The following RASGRP3 variants were observed in gnomAD, a reference collection of about 807,000 sequenced individuals.
The protein encoded by RASGRP3 is ras guanyl-releasing protein 3.
RASGRP3 carries 54 observed loss-of-function variants against 82.7 expected under a neutral mutation model. That is an observed-to-expected ratio of 0.65 (90% confidence interval 0.52 to 0.82). The LOEUF (loss-of-function observed/expected upper bound fraction) is 0.82, where lower values mean the gene tolerates loss of function less well. Ranked by LOEUF, RASGRP3 falls within the 40% of genes least tolerant of loss-of-function variation. The pLI is 0.00. For synonymous variants in RASGRP3, 309 were observed against 300.5 expected, an observed-to-expected ratio of 1.03 and a Z score of -0.29; for missense variants, 861 against 828.9, an observed-to-expected ratio of 1.04 and a Z score of -0.48.
At chr2:33,469,545 C>A (rs1002177313) in intron 2 of RASGRP3, among the ~76,000 whole-genome samples, 2 of 151,754 alleles carry the variant, frequency 1.3e-5, no homozygotes, top group African/African-American at 4.8e-5. Flanking sequence ...CTGCAACCTC[C>A]ACCTCCTGGG....
At chr2:33,493,060 A>C (rs1668994800) in intron 1 of RASGRP3, 1 of 152,162 alleles carries the variant, frequency 6.6e-6, no homozygotes, top group South Asian at 2.1e-4. Context: ...TTAGGTGTTC[A>C]TTTCACTGGG....
chr2:33,547,381 G>A (rs917005171), intron 13 of RASGRP3, among the ~76,000 whole-genome samples: 12 of 61,236 alleles, frequency 2.0e-4, no homozygotes, highest in Admixed American at 6.0e-4. Context: ...TGCCTCCTAC[G>A]CAAAATAACT....
intron 6 of RASGRP3, among the ~76,000 whole-genome samples, chr2:33,521,223 C>T (rs1672001887): frequency 6.6e-6 from 1 of 152,132 alleles, no homozygotes; most frequent in Non-Finnish European, 1.5e-5. Flanking sequence ...TGGTGGTTGA[C>T]CATAGATGTG....
intron 17 of RASGRP3, among the ~76,000 whole-genome samples, chr2:33,560,155 A>G (rs544465241): frequency 3.7e-4 from 57 of 152,212 alleles, no homozygotes; most frequent in Non-Finnish European, 8.2e-4. Flanking sequence ...AAGTTGTGCA[A>G]CCATCACTAC....
At position 33,524,057 on chromosome 2, in the gene RASGRP3, G is replaced by T; in HGVS notation, c.690+5G>T. 1 of 1,613,312 alleles carries T rather than the reference G, an allele frequency of 6.2e-7. No individual in the cohort carries two copies. Among genetic ancestry groups the T allele is most frequent in the Non-Finnish European group, 8.5e-7 (1 of 1,179,412 alleles). Reference sequence around the variant, plus strand: ...AAGTTTATCAATGTTGCAAAGGTATGTCTGGTAATCAGACTGGGTTCTTGA... The same window carrying T: ...AAGTTTATCAATGTTGCAAAGGTATTTCTGGTAATCAGACTGGGTTCTTGA... On this transcript the variant is annotated splice_donor_5th_base_variant and intron_variant, in intron 8 of 17. Coordinates refer to ENST00000403687, the MANE Select transcript of RASGRP3 (RefSeq NM_001139488.2).
chr2:33,515,520 G>A (rs1671376291), intron 3 of RASGRP3, among the ~76,000 whole-genome samples: 1 of 152,084 alleles, frequency 6.6e-6, no homozygotes, highest in Admixed American at 6.5e-5. Flanking sequence ...GATGTTCATA[G>A]TACCATTCCT....
At chr2:33,520,134 C>A (rs375583502) in intron 5 of RASGRP3, 120 bp downstream of exon 5, 83 of 816,968 alleles carry the variant, frequency 1.0e-4, no homozygotes, top group South Asian at 5.0e-4. Flanking sequence ...ACCCCTCCCA[C>A]CAACTTTGTT....
intron 2 of RASGRP3, among the ~76,000 whole-genome samples, chr2:33,463,538 G>A (rs969681503): frequency 6.6e-5 from 10 of 151,964 alleles, no homozygotes; most frequent in Admixed American, 5.9e-4. Flanking sequence ...CAGAGGCTGG[G>A]GTGTAGAGGC....
In RASGRP3 at chr2:33,558,238, G is replaced by A; in HGVS notation, c.1607G>A (p.Cys536Tyr). Residue 536 changes from cysteine to tyrosine, a missense_variant, in exon 16 of 18, where the codon TGC (cysteine) becomes TAC (tyrosine). Physicochemically the swap from Cys to Tyr is radical, Grantham distance 194. Transcript: ENST00000403687. The stretch of plus-strand genomic sequence containing the variant: ...TGTGGAGCCAATTGTCACAAACAGT[G>A]CAAAGACCTCCTGGTTCTGGCCTGC... ...KDCGANCHKQ[C>Y]KDLLVLACRR... The A allele has an allele frequency of 6.2e-7, 1 of 1,611,864 alleles. No individual in the cohort carries two copies. The highest frequency in any genetic ancestry group is 8.5e-7 in the Non-Finnish European group (1 of 1,179,062).
In RASGRP3 at chr2:33,539,138, G is replaced by A. The variant is rs1381682658; in HGVS notation, c.1206G>A (p.Leu402=). The change falls in exon 12 of 18, where the codon CTG becomes CTA. Residue 402 remains leucine, a synonymous_variant. Transcript: ENST00000403687. ...CGCCCAACAAGCCTGTGGTACCCCT[G>A]GAGTGGGCATTAGGGGTGATGCCAA... ...PTTPNKPVVP[L]EWALGVMPKP... 1.2e-6 allele frequency: 2 copies of A among 1,611,932 alleles called. No individual in the cohort carries two copies. Among genetic ancestry groups the A allele is most frequent in the Non-Finnish European group, 1.7e-6 (2 of 1,179,130 alleles).
chr2:33,524,133 C>A, intron 8 of RASGRP3, 81 bp downstream of exon 8: 1 of 1,488,816 alleles, frequency 6.7e-7, no homozygotes, highest in Non-Finnish European at 9.3e-7. Flanking sequence ...GGAAATGTGG[C>A]GTTCACAGTA....
intron 1 of RASGRP3, among the ~76,000 whole-genome samples, chr2:33,502,274 G>T (rs1483373734): frequency 1.3e-5 from 2 of 152,114 alleles, no homozygotes; most frequent in Non-Finnish European, 2.9e-5. Context: ...GAGAAGAAAG[G>T]CATGGTGCTG....
At chr2:33,461,715 A>G (rs1358733494) in intron 2 of RASGRP3, among the ~76,000 whole-genome samples, 1 of 152,258 alleles carries the variant, frequency 6.6e-6, no homozygotes, top group African/African-American at 2.4e-5. Flanking sequence ...ATTCCCAGGA[A>G]GCCGTAAGAA....
At chr2:33,538,503 AAAAT>A (rs3083025) in intron 11 of RASGRP3, among the ~76,000 whole-genome samples, 15 of 145,276 alleles carry the variant, frequency 1.0e-4, no homozygotes, top group African/African-American at 3.6e-4. Context: ...ACTCTGTCTC[AAAAT>A]AAATAAATAA....
At chr2:33,477,069 G>A (rs1667446559) in intron 1 of RASGRP3, among the ~76,000 whole-genome samples, 1 of 152,022 alleles carries the variant, frequency 6.6e-6, no homozygotes, top group Non-Finnish European at 1.5e-5. Context: ...ATGAAGTAGA[G>A]ACTTCATTGA....
At chr2:33,552,142 C>T (rs1451284359) in intron 14 of RASGRP3, among the ~76,000 whole-genome samples, 1 of 152,198 alleles carries the variant, frequency 6.6e-6, no homozygotes, top group Non-Finnish European at 1.5e-5. Context: ...GGAAGTTCCA[C>T]ACCTGTCTCC....
intron 2 of RASGRP3, chr2:33,447,985 C>T (rs1015515478): frequency 3.3e-5 from 5 of 152,188 alleles, no homozygotes; most frequent in Admixed American, 2.0e-4. Context: ...TCTCAAGTCT[C>T]TTTCAGATTT....
At chr2:33,529,599 T>C (rs922440295) in intron 10 of RASGRP3, among the ~76,000 whole-genome samples, 3 of 152,016 alleles carry the variant, frequency 2.0e-5, no homozygotes, top group African/African-American at 7.3e-5. Context: ...CTGTCTCATA[T>C]TGAAGGAAAA....
Position 33,564,393 on chromosome 2 carries a change from C to T in RASGRP3, c.*1656C>T, listed in dbSNP as rs1054634078. ...ATAAGAGAACGTGCCATCTGTAAAG[C>T]ACTCAGAAGGCAGCCATCCCTAGAT... On this transcript the variant is annotated 3_prime_UTR_variant, in exon 18 of 18. Transcript: ENST00000403687. 1.3e-5 allele frequency: 2 copies of T among 152,176 alleles called. No homozygotes were observed. Among genetic ancestry groups the T allele is most frequent in the African/African-American group, 4.8e-5 (2 of 41,440 alleles). 9.4% of individuals were successfully genotyped at this position (152,176 alleles called of 1,614,324 possible).
Sources: allele counts gnomAD v4.1 joint callset (sites outside exome capture counted in the v4.1 genomes callset), GRCh38; gene constraint gnomAD v4.1.1; transcripts MANE v1.5; gene names NCBI Gene and HGNC (gene_info 2026-07-23, HGNC 2026-07-21).